SMCHD1: variants seen among roughly 807,000 people sequenced by gnomAD.
SMCHD1 encodes the protein structural maintenance of chromosomes flexible hinge domain-containing protein 1.
Under a neutral mutation model 254.7 loss-of-function variants are expected in SMCHD1, and 78 were observed. That is an observed-to-expected ratio of 0.31 (90% CI 0.26 to 0.37). SMCHD1 has a LOEUF of 0.37. SMCHD1 is among the 10% of genes least tolerant of loss of function. The probability of loss-of-function intolerance (pLI) is 1.00; values close to 1 mark genes in which losing one functional copy is unlikely to be tolerated. For synonymous variants in SMCHD1, 766 were observed against 794.9 expected (o/e 0.96, Z 0.61); for missense variants, 1,840 against 2,408.1 (o/e 0.76, Z 4.94).
At chr18:2,748,571 T>A (rs1421283779) in intron 30 of SMCHD1, among the ~76,000 whole-genome samples, 1 of 151,800 alleles carries the variant, frequency 6.6e-6, no homozygotes, top group East Asian at 1.9e-4. Context: ...ATTTTTGTAT[T>A]TTTAGTACAG....
rs1017372374 is a variant in SMCHD1, at chr18:2,778,065, G to A, written c.5477-104G>A. 8.1e-6 allele frequency: 8 copies of A among 989,918 alleles called. No homozygotes were observed. In the African/African-American group the frequency reaches 9.9e-5, roughly 12 times the overall value. 61.3% of individuals were successfully genotyped at this position (989,918 alleles called of 1,614,324 possible). A position where few individuals can be genotyped will look rare whatever the true frequency, so the allele number is the denominator to read the frequency against. On this transcript the variant is annotated intron_variant, in intron 43 of 47. Coordinates refer to ENST00000320876, the MANE Select transcript of SMCHD1 (RefSeq NM_015295.3). ...TTTAGAGTACAAATAAAATTAGAAC[G>A]AATACTAGCACTCTTTCAAAGAAAG...
chr18:2,759,893 T>C (rs2075756854), intron 34 of SMCHD1, among the ~76,000 whole-genome samples: 2 of 152,162 alleles, frequency 1.3e-5, no homozygotes, highest in South Asian at 2.1e-4. Flanking sequence ...CAATATAACT[T>C]TCTTAGGAAT....
chr18:2,697,738 A>G, intron 9 of SMCHD1, 93 bp from the exon 10 acceptor site: 4 of 810,548 alleles, frequency 4.9e-6, no homozygotes, highest in Middle Eastern at 2.4e-4. Flanking sequence ...ACAAATAAAC[A>G]TAATTTTTAC....
At chr18:2,657,943 C>G (rs1180402540) in intron 1 of SMCHD1, among the ~76,000 whole-genome samples, 1 of 151,828 alleles carries the variant, frequency 6.6e-6, no homozygotes, top group Admixed American at 6.6e-5. Flanking sequence ...CCACCATGCC[C>G]AGCTATGTTT....
intron 39 of SMCHD1, among the ~76,000 whole-genome samples, chr18:2,770,555 A>G (rs758025140): frequency 6.6e-6 from 1 of 152,170 alleles, no homozygotes; most frequent in Non-Finnish European, 1.5e-5. Flanking sequence ...CTGATACTGA[A>G]ATATGTAAAT....
At chr18:2,747,275 TCTC>T (rs1302758624) in intron 29 of SMCHD1, among the ~76,000 whole-genome samples, 3 of 152,164 alleles carry the variant, frequency 2.0e-5, no homozygotes, top group Non-Finnish European at 4.4e-5. Context: ...CTAGAACCAA[TCTC>T]CTGTGGATAC....
At chr18:2,728,311 T>G in intron 22 of SMCHD1, 146 bp from the exon 23 acceptor site, 1 of 734,852 alleles carries the variant, frequency 1.4e-6, no homozygotes, top group South Asian at 1.8e-5. Context: ...ATGAAACTGA[T>G]TAAGCATGGA....
At chr18:2,694,984 C>T (rs962224128) in intron 8 of SMCHD1, among the ~76,000 whole-genome samples, 5 of 152,142 alleles carry the variant, frequency 3.3e-5, no homozygotes, top group Non-Finnish European at 5.9e-5. Flanking sequence ...AGCACTATAT[C>T]ACTTCCATGA....
Position 2,738,582 on chromosome 18 carries a change from C to T in SMCHD1, c.3425+37C>T, listed in dbSNP as rs8094260. 469,108 of 1,546,072 alleles carry T rather than the reference C, an allele frequency of 0.3. 74,291 individuals are homozygous for T. The highest frequency in any genetic ancestry group is 0.47 in the East Asian group (20,000 of 42,674). ...CATTATATTTTGCAGCCTATGGCAACAAAATACTGTCCTCCATTGCACATA... is the reference window on the plus strand; with the variant it reads ...CATTATATTTTGCAGCCTATGGCAATAAAATACTGTCCTCCATTGCACATA... On this transcript the variant is annotated intron_variant, in intron 26 of 47. Transcript: ENST00000320876.
At chr18:2,677,952 CTAGGG>C (rs1486000300) in intron 5 of SMCHD1, among the ~76,000 whole-genome samples, 1 of 152,142 alleles carries the variant, frequency 6.6e-6, no homozygotes, top group Non-Finnish European at 1.5e-5. Context: ...AGTTGTTTTT[CTAGGG>C]ATTACAACCA....
intron 21 of SMCHD1, among the ~76,000 whole-genome samples, chr18:2,725,242 A>G (rs917934311): frequency 5.3e-5 from 8 of 151,394 alleles, no homozygotes; most frequent in African/African-American, 1.9e-4. Flanking sequence ...CCCGTTATCT[A>G]TACTTCAGTT....
rs771519122 is a variant in SMCHD1, at chr18:2,718,882, C to T, written c.2458+448C>T. On this transcript the variant is annotated intron_variant, in intron 19 of 47. Transcript: ENST00000320876. This position sits in a 1 kb window ranked among gnomAD's most constrained non-coding sequence, Gnocchi z 4.6. ...TTGATTTTCAAATAGCTTTGTAAGT[C>T]TACTCGATAATCATATTCCTTCTGA... 6.6e-6 allele frequency among the ~76,000 whole-genome samples: 1 copy of T among 152,092 alleles called. No homozygotes were observed. The highest frequency in any genetic ancestry group is 2.4e-5 in the African/African-American group (1 of 41,506).
In SMCHD1 at chr18:2,743,744, G is replaced by A. The variant is rs1169947524; in HGVS notation, c.3634-17G>A. On this transcript the variant is annotated splice_polypyrimidine_tract_variant and intron_variant, in intron 28 of 47. Transcript: ENST00000320876. The stretch of plus-strand genomic sequence containing the variant: ...AGTGATACCCCCTGTCTTTCTCAAT[G>A]TACTTTTCCTCACTAGGAAAACACA... 4.5e-6 allele frequency: 7 copies of A among 1,570,230 alleles called. No individual in the cohort carries two copies. Among genetic ancestry groups the A allele is most frequent in the African/African-American group, 1.4e-5 (1 of 73,626 alleles).
intron 5 of SMCHD1, among the ~76,000 whole-genome samples, chr18:2,683,275 C>T (rs1001041217): frequency 6.6e-6 from 1 of 151,792 alleles, no homozygotes; most frequent in Non-Finnish European, 1.5e-5. Context: ...TTTGGTTAAT[C>T]ATAATTCTAG....
At chr18:2,750,310 C>T (rs2075546850) in intron 31 of SMCHD1, 40 bp from the exon 32 acceptor site, 2 of 1,563,318 alleles carry the variant, frequency 1.3e-6, no homozygotes, top group Admixed American at 2.0e-5. Flanking sequence ...AGGTTATTAA[C>T]TAATGTAATT....
At chr18:2,759,292 A>G (rs1201457617) in intron 34 of SMCHD1, among the ~76,000 whole-genome samples, 1 of 152,108 alleles carries the variant, frequency 6.6e-6, no homozygotes, top group African/African-American at 2.4e-5. Context: ...CTTCAGTTTC[A>G]GAGATTGACA....
intron 19 of SMCHD1, among the ~76,000 whole-genome samples, chr18:2,720,455 A>C (rs62084233): frequency 0.19 from 29,305 of 151,886 alleles, 3,093 homozygotes; most frequent in South Asian, 0.27. Flanking sequence ...TGTTTCCTCC[A>C]TGTTGTTTTT....
intron 5 of SMCHD1, among the ~76,000 whole-genome samples, chr18:2,685,272 T>C (rs1440075130): frequency 6.6e-6 from 1 of 151,832 alleles, no homozygotes; most frequent in Non-Finnish European, 1.5e-5. Flanking sequence ...GCTAATTTTT[T>C]GTATTTTTAG....
At chr18:2,738,962 T>TA (rs1394815699) in intron 26 of SMCHD1, among the ~76,000 whole-genome samples, 2 of 152,068 alleles carry the variant, frequency 1.3e-5, no homozygotes, top group Non-Finnish European at 2.9e-5. Context: ...AGTGAATGTG[T>TA]AAAAAAAACC....
Sources: allele counts gnomAD v4.1 joint callset (sites outside exome capture counted in the v4.1 genomes callset), GRCh38; gene constraint gnomAD v4.1.1; non-coding constraint Gnocchi (gnomAD v3.1); transcripts MANE v1.5; gene names NCBI Gene and HGNC (gene_info 2026-07-23, HGNC 2026-07-21).